ARHGEF4: variants seen among roughly 807,000 people sequenced by gnomAD.
The protein encoded by ARHGEF4 is APC-stimulated guanine nucleotide exchange factor 1.
ARHGEF4 carries 119 observed loss-of-function variants against 162.0 expected under a neutral mutation model. The observed-to-expected ratio is 0.73, with a 90% CI of 0.63 to 0.86. ARHGEF4 has a LOEUF of 0.86. Ranked by LOEUF, ARHGEF4 falls within the 40% of genes least tolerant of loss-of-function variation. The pLI is 0.00. For missense variants in ARHGEF4, 2,488 were observed against 2,456.0 expected (o/e 1.01, Z -0.28); for synonymous variants, 1,014 against 979.9 (o/e 1.03, Z -0.65).
intron 4 of ARHGEF4, among the ~76,000 whole-genome samples, chr2:131,007,445 T>C (rs983132304): frequency 2.0e-5 from 3 of 152,240 alleles, no homozygotes; most frequent in African/African-American, 7.2e-5. Context: ...TTTTATAGGC[T>C]AGGGTATTTT....
intron 4 of ARHGEF4, among the ~76,000 whole-genome samples, chr2:130,950,312 C>A (rs986075778): frequency 6.6e-6 from 1 of 152,112 alleles, no homozygotes; most frequent in Admixed American, 6.5e-5. Context: ...AAGATAAACC[C>A]CCACCACACC....
At chr2:130,957,654 T>C (rs1378207426) in intron 4 of ARHGEF4, among the ~76,000 whole-genome samples, 1 of 152,146 alleles carries the variant, frequency 6.6e-6, no homozygotes, top group Non-Finnish European at 1.5e-5. Context: ...CCCGATATGA[T>C]GGTATTGGGA....
intron 2 of ARHGEF4, among the ~76,000 whole-genome samples, chr2:130,918,714 C>G (rs534965322): frequency 6.6e-6 from 1 of 152,340 alleles, no homozygotes; most frequent in South Asian, 2.1e-4. Flanking sequence ...GAGCATCCCA[C>G]AAGGCCGAGT....
intron 4 of ARHGEF4, among the ~76,000 whole-genome samples, chr2:131,005,244 G>C (rs1212600334): frequency 1.3e-5 from 2 of 152,200 alleles, no homozygotes; most frequent in African/African-American, 4.8e-5. Context: ...TGACTTGACT[G>C]TGTCCTGTGA....
At chr2:130,895,710 G>A (rs1574179829) in intron 1 of ARHGEF4, among the ~76,000 whole-genome samples, 2 of 152,242 alleles carry the variant, frequency 1.3e-5, no homozygotes, top group South Asian at 4.1e-4. Flanking sequence ...ATTACTGAGT[G>A]TAAGAGTTTG....
At chr2:130,991,068 T>C (rs115440159) in intron 4 of ARHGEF4, among the ~76,000 whole-genome samples, 2,147 of 152,316 alleles carry the variant, frequency 0.014, 59 homozygotes, top group African/African-American at 0.049. Context: ...TAAGACAATA[T>C]TTGAAAAATG....
intron 3 of ARHGEF4, among the ~76,000 whole-genome samples, chr2:130,944,225 G>A (rs560444749): frequency 0.015 from 2,357 of 152,138 alleles, 72 homozygotes; most frequent in African/African-American, 0.053. Flanking sequence ...CTAATTTTCA[G>A]CAGTTTATGA....
chr2:130,926,940 A>G (rs1574245325), intron 2 of ARHGEF4, among the ~76,000 whole-genome samples: 1 of 142,712 alleles, frequency 7.0e-6, no homozygotes, highest in Admixed American at 7.4e-5. Context: ...GTGGGGTTGG[A>G]ATGTCTCTGG....
intron 4 of ARHGEF4, among the ~76,000 whole-genome samples, chr2:130,986,195 A>C (rs1686486875): frequency 6.6e-6 from 1 of 151,406 alleles, no homozygotes; most frequent in African/African-American, 2.4e-5. Context: ...ATGTGTGTGC[A>C]TAGGGTGTGT....
intron 4 of ARHGEF4, among the ~76,000 whole-genome samples, chr2:131,007,137 C>T (rs951259550): frequency 6.6e-6 from 1 of 152,180 alleles, no homozygotes; most frequent in Non-Finnish European, 1.5e-5. Context: ...ATTTATGGAC[C>T]TACTATGTTC....
intron 1 of ARHGEF4, among the ~76,000 whole-genome samples, chr2:130,864,261 A>T (rs1682102770): frequency 6.6e-6 from 1 of 152,142 alleles, no homozygotes; most frequent in South Asian, 2.1e-4. Flanking sequence ...ATCTCAAAAT[A>T]ATTACGCCTA....
chr2:130,865,987 T>G (rs1318470970), intron 1 of ARHGEF4, among the ~76,000 whole-genome samples: 1 of 152,170 alleles, frequency 6.6e-6, no homozygotes, highest in Non-Finnish European at 1.5e-5. Context: ...ACTGCCACAT[T>G]CCACTGTGGA....
chr2:130,877,804 T>C (rs1207906192), intron 1 of ARHGEF4, among the ~76,000 whole-genome samples: 1 of 152,206 alleles, frequency 6.6e-6, no homozygotes, highest in African/African-American at 2.4e-5. Context: ...CTTTCACCAC[T>C]ATCTGACATG....
At chr2:131,032,902 G>T (rs1689963069) in intron 5 of ARHGEF4, among the ~76,000 whole-genome samples, 1 of 145,044 alleles carries the variant, frequency 6.9e-6, no homozygotes, top group South Asian at 2.2e-4. Context: ...ACCCAGGCTG[G>T]AGTACAGAAG....
In ARHGEF4 at chr2:131,040,433, T is replaced by C; in HGVS notation, c.4655T>C (p.Leu1552Pro). ...CTGAGCGAGCTGGGTGCCTGCTTCC[T>C]GGAGCATGTGAGCGCGCGGCCCCCG... is the stretch of plus-strand genomic sequence containing the variant. ...PHLSELGACF[L>P]EHQADFQIYS... is the part of the protein sequence containing the mutation. Residue 1552 changes from leucine to proline, a missense_variant, in exon 8 of 14, where the codon CTG becomes CCG. Transcript: ENST00000409359. 1 of 1,585,700 alleles carries C rather than the reference T, an allele frequency of 6.3e-7. No individual in the cohort carries two copies. The highest frequency in any genetic ancestry group is 8.6e-7 in the Non-Finnish European group (1 of 1,165,918).
chr2:130,915,748 C>T lies in ARHGEF4; in HGVS notation c.1802C>T (p.Ala601Val), dbSNP rs964851567. The T allele has an allele frequency of 6.5e-6, 10 of 1,542,420 alleles. No homozygotes were observed. Among genetic ancestry groups the T allele is most frequent in the South Asian group, 1.2e-5 (1 of 83,072 alleles). Residue 601 changes from alanine (A) to valine (V), a missense_variant, in exon 2 of 14, where the codon GCT (alanine) becomes GTT (valine). By Grantham distance (64) the Ala-to-Val change is moderately conservative. Around this residue, in one of 6 missense-constraint regions of ARHGEF4, gnomAD observed 1,642 missense variants for 1,481.5 expected, o/e 1.11. Transcript: ENST00000409359. Reference sequence around the variant, plus strand: ...ACGGTGTCTCACTGCGGCCCCGGGGCTGAGGAGGGTGAACAGGGGCCTGGG... The same window carrying T: ...ACGGTGTCTCACTGCGGCCCCGGGGTTGAGGAGGGTGAACAGGGGCCTGGG... The part of the protein sequence containing the change: ...AATVSHCGPG[A>V]EEGEQGPGGA...
Position 130,886,969 on chromosome 2 carries a change from C to G in ARHGEF4, c.40-27017C>G, listed in dbSNP as rs191063435. Among the ~76,000 whole-genome samples, 107 of 152,036 alleles carry G rather than the reference C, an allele frequency of 7.0e-4. 1 individual carries two copies. Among genetic ancestry groups the G allele is most frequent in the Non-Finnish European group, 4.9e-4 (33 of 68,024 alleles). On this transcript the variant is annotated intron_variant, in intron 1 of 13. Coordinates refer to ENST00000409359, the MANE Select transcript of ARHGEF4 (RefSeq NM_001367493.1). ...AGGCTCATGTGGATTAATTTCTGGT[C>G]TCTATTTGGCTCCATTAATCTAGTT... is the stretch of plus-strand genomic sequence containing the variant.
chr2:130,837,425 G>T (rs1680272034), intron 1 of ARHGEF4: 1 of 324,042 alleles, frequency 3.1e-6, no homozygotes, highest in East Asian at 1.2e-4. Flanking sequence ...TGCCGGCCCG[G>T]TGGGTACGGG....
At chr2:130,938,343 T>C (rs1683088233) in intron 3 of ARHGEF4, among the ~76,000 whole-genome samples, 1 of 152,222 alleles carries the variant, frequency 6.6e-6, no homozygotes, top group African/African-American at 2.4e-5. Context: ...GTTTTTTTGC[T>C]ACTTTTAAAT....
Sources: gnomAD v4.1 joint callset for allele counts (sites outside exome capture counted in the v4.1 genomes callset) on GRCh38, gnomAD v4.1.1 for gene constraint, gnomAD v4.1.1 regional missense constraint, MANE v1.5 for transcripts, NCBI Gene and HGNC (gene_info 2026-07-23, HGNC 2026-07-21) for gene names.